Variants in KIAA1328 observed in about 807,000 individuals in gnomAD.
The protein encoded by KIAA1328 is KIAA1328.
A neutral mutation model predicts 68.1 loss-of-function variants in KIAA1328; 52 were observed. The observed-to-expected ratio is 0.76, with a 90% CI of 0.61 to 0.96. The LOEUF is 0.96. Ranked by LOEUF, KIAA1328 falls within the 40% of genes least tolerant of loss-of-function variation. The pLI, the probability that KIAA1328 is intolerant of heterozygous loss-of-function variation, is 0.00. For synonymous variants in KIAA1328, 232 were observed against 239.4 expected, an observed-to-expected ratio of 0.97 and a Z score of 0.28; for missense variants, 641 against 677.6, an observed-to-expected ratio of 0.95 and a Z score of 0.60.
At chr18:37,123,415 A>G (rs2058318823) in intron 7 of KIAA1328, among the ~76,000 whole-genome samples, 1 of 152,164 alleles carries the variant, frequency 6.6e-6, no homozygotes, top group African/African-American at 2.4e-5. Context: ...CTGACCTGCA[A>G]CTCAAAGGGA....
At chr18:37,141,472 A>G (rs2058762988) in intron 7 of KIAA1328, among the ~76,000 whole-genome samples, 1 of 152,206 alleles carries the variant, frequency 6.6e-6, no homozygotes, top group Non-Finnish European at 1.5e-5. Flanking sequence ...TAAGTATATT[A>G]CAACTTGTTT....
chr18:37,129,712 C>A (rs1287013457), intron 7 of KIAA1328, among the ~76,000 whole-genome samples: 1 of 152,184 alleles, frequency 6.6e-6, no homozygotes, highest in African/African-American at 2.4e-5. Flanking sequence ...CATAATATGG[C>A]AAATGATACT....
chr18:37,178,452 G>C (rs2154214968), intron 9 of KIAA1328, among the ~76,000 whole-genome samples: 1 of 152,220 alleles, frequency 6.6e-6, no homozygotes, highest in East Asian at 1.9e-4. Context: ...TATTCACTGT[G>C]TATATATACC....
chr18:37,190,335 T>C (rs1046377645), intron 9 of KIAA1328, among the ~76,000 whole-genome samples: 1 of 152,220 alleles, frequency 6.6e-6, no homozygotes, highest in Non-Finnish European at 1.5e-5. Context: ...AAATCACTGC[T>C]ATAAAATATG....
At chr18:37,219,991 A>T (rs2154225258) in intron 9 of KIAA1328, among the ~76,000 whole-genome samples, 1 of 152,214 alleles carries the variant, frequency 6.6e-6, no homozygotes, top group Middle Eastern at 3.4e-3. Context: ...TCTAATTTTT[A>T]ATTTTGAGGA....
chr18:36,895,872 A>G (rs1333132733), intron 5 of KIAA1328: 2 of 436,992 alleles, frequency 4.6e-6, no homozygotes, highest in Admixed American at 4.9e-5. Flanking sequence ...CCACACCCCC[A>G]CGTTGTCCTG....
rs114483205 is a variant in KIAA1328, at chr18:37,012,933, G to A, written c.576+53498G>A. ...TGTCCCTTTTTGGGACAGCATGGGG[G>A]TTTATACTCAGTGGAATATCAAAGG... On this transcript the variant is annotated intron_variant, in intron 6 of 9. Transcript: ENST00000280020. Among the ~76,000 whole-genome samples, 832 of 152,144 alleles carry A rather than the reference G, an allele frequency of 5.5e-3. 12 individuals are homozygous for A. Among genetic ancestry groups the A allele is most frequent in the African/African-American group, 0.019 (776 of 41,506 alleles).
At chr18:37,219,537 G>A (rs2060515835) in intron 9 of KIAA1328, among the ~76,000 whole-genome samples, 1 of 152,170 alleles carries the variant, frequency 6.6e-6, no homozygotes, top group Non-Finnish European at 1.5e-5. Flanking sequence ...AGCAATGGCA[G>A]ATGCCCCTAC....
At chr18:37,201,788 C>T (rs556010722) in intron 9 of KIAA1328, among the ~76,000 whole-genome samples, 5 of 152,250 alleles carry the variant, frequency 3.3e-5, no homozygotes, top group East Asian at 1.9e-4. Context: ...CTTGAGATTC[C>T]TGGCCTATCA....
chr18:37,131,964 A>G (rs2058533056), intron 7 of KIAA1328, among the ~76,000 whole-genome samples: 1 of 152,146 alleles, frequency 6.6e-6, no homozygotes, highest in African/African-American at 2.4e-5. Flanking sequence ...CTGCTCTATT[A>G]TGTGTCCTTT....
At chr18:36,999,139 C>T (rs2151442737) in intron 6 of KIAA1328, among the ~76,000 whole-genome samples, 1 of 152,184 alleles carries the variant, frequency 6.6e-6, no homozygotes, top group Middle Eastern at 3.4e-3. Context: ...ATACAAAATA[C>T]ATTTGAAAGC....
intron 6 of KIAA1328, among the ~76,000 whole-genome samples, chr18:36,996,068 T>C (rs1049739284): frequency 1.3e-5 from 2 of 152,218 alleles, no homozygotes; most frequent in African/African-American, 4.8e-5. Context: ...TTTTTACAAA[T>C]GATGAAATAG....
intron 6 of KIAA1328, among the ~76,000 whole-genome samples, chr18:37,045,572 G>C (rs1467677730): frequency 1.3e-5 from 2 of 151,626 alleles, no homozygotes; most frequent in Admixed American, 6.6e-5. Flanking sequence ...AGTACTTGAA[G>C]TTATATCAGT....
intron 8 of KIAA1328, among the ~76,000 whole-genome samples, chr18:37,166,134 T>C (rs1443068298): frequency 6.6e-6 from 1 of 151,362 alleles, no homozygotes; most frequent in African/African-American, 2.4e-5. Context: ...GGAAATGGTG[T>C]GGTAGGTACC....
At chr18:36,954,868 G>C (rs1179223594) in intron 5 of KIAA1328, among the ~76,000 whole-genome samples, 1 of 151,132 alleles carries the variant, frequency 6.6e-6, no homozygotes, top group South Asian at 2.1e-4. Context: ...CTAATTTTTT[G>C]TATTTTTAGT....
chr18:37,015,974 T>G (rs937878616), intron 6 of KIAA1328, among the ~76,000 whole-genome samples: 1 of 152,194 alleles, frequency 6.6e-6, no homozygotes, highest in African/African-American at 2.4e-5. Context: ...CTTTTCCTAT[T>G]TGATTGCCTT....
At chr18:37,061,911 A>T (rs143631449) in intron 6 of KIAA1328, among the ~76,000 whole-genome samples, 1 of 152,168 alleles carries the variant, frequency 6.6e-6, no homozygotes, top group Non-Finnish European at 1.5e-5. Flanking sequence ...GTGCATACAG[A>T]GTGATAAATA....
At chr18:37,049,308 A>G (rs2055600469) in intron 6 of KIAA1328, among the ~76,000 whole-genome samples, 1 of 152,170 alleles carries the variant, frequency 6.6e-6, no homozygotes, top group Non-Finnish European at 1.5e-5. Context: ...ACATAGGAAA[A>G]CCACAATGGA....
chr18:36,837,261 T>TC (rs983482768), intron 3 of KIAA1328, among the ~76,000 whole-genome samples: 13 of 152,192 alleles, frequency 8.5e-5, no homozygotes, highest in Non-Finnish European at 1.9e-4. Context: ...AACATTTATG[T>TC]CCATCTTTTT....
Sources: gnomAD v4.1 joint callset for allele counts (sites outside exome capture counted in the v4.1 genomes callset) on GRCh38, gnomAD v4.1.1 for gene constraint, MANE v1.5 for transcripts, NCBI Gene and HGNC (gene_info 2026-07-23, HGNC 2026-07-21) for gene names.